The following CNTNAP2 variants were observed in gnomAD, a reference collection of about 807,000 sequenced individuals.
CNTNAP2 encodes the protein contactin associated protein 2, also known as contactin-associated protein-like 2.
Under a neutral mutation model 155.2 loss-of-function variants are expected in CNTNAP2, and 98 were observed. The ratio of observed to expected loss-of-function variants is 0.63; its 90% confidence interval spans 0.54 to 0.75. The LOEUF is 0.75. Ranked by LOEUF, CNTNAP2 falls within the 30% of genes least tolerant of loss-of-function variation. The pLI, the probability that CNTNAP2 is intolerant of heterozygous loss-of-function variation, is 0.00. For synonymous variants in CNTNAP2, 651 were observed against 631.2 expected (o/e 1.03, Z -0.47); for missense variants, 1,727 against 1,688.1 (o/e 1.02, Z -0.40).
chr7:147,491,193 T>C (rs980905601), intron 11 of CNTNAP2, among the ~76,000 whole-genome samples: 11 of 152,190 alleles, frequency 7.2e-5, no homozygotes, highest in African/African-American at 2.2e-4. Flanking sequence ...CTACGTAATA[T>C]GGCCATGTCT....
chr7:148,045,314 T>C (rs1163220119), intron 15 of CNTNAP2, among the ~76,000 whole-genome samples: 1 of 151,678 alleles, frequency 6.6e-6, no homozygotes, highest in Non-Finnish European at 1.5e-5. Flanking sequence ...CTGCTGAGAG[T>C]TCTAATGGGG....
intron 11 of CNTNAP2, among the ~76,000 whole-genome samples, chr7:147,508,662 G>A (rs1319750617): frequency 6.6e-6 from 1 of 152,152 alleles, no homozygotes; most frequent in African/African-American, 2.4e-5. Context: ...TCATGGGAGG[G>A]ACCTGATGGG....
At chr7:147,463,363 G>A (rs1464372766) in intron 10 of CNTNAP2, among the ~76,000 whole-genome samples, 1 of 152,162 alleles carries the variant, frequency 6.6e-6, no homozygotes, top group African/African-American at 2.4e-5. Context: ...ATCTAAAATA[G>A]ATGAGGAGAA....
Position 147,106,613 on chromosome 7 carries a change from C to T in CNTNAP2, c.551-1534C>T, listed in dbSNP as rs1446363361. ...GAATGTTTTATAATATAACATTGTA[C>T]AAACTTATTTAAAAGCATAAATATT... On this transcript the variant is annotated intron_variant, in intron 4 of 23. Coordinates refer to ENST00000361727, the MANE Select transcript of CNTNAP2 (RefSeq NM_014141.6). Among the ~76,000 whole-genome samples, 4 of 152,066 alleles carry T rather than the reference C, an allele frequency of 2.6e-5. No homozygotes were observed. In the East Asian group the frequency reaches 5.8e-4, roughly 22 times the overall value.
At chr7:146,307,334 G>T (rs148046803) in intron 1 of CNTNAP2, among the ~76,000 whole-genome samples, 2 of 151,958 alleles carry the variant, frequency 1.3e-5, no homozygotes, top group East Asian at 1.9e-4. Flanking sequence ...AAAAGAGGAC[G>T]CAAACAAATG....
chr7:148,289,672 A>T (rs1010260223), intron 21 of CNTNAP2, among the ~76,000 whole-genome samples: 4 of 152,332 alleles, frequency 2.6e-5, no homozygotes, highest in African/African-American at 9.6e-5. Flanking sequence ...AAAATAGCCA[A>T]TCATGCTGAT....
Position 146,992,605 on chromosome 7 carries a change from G to C in CNTNAP2, c.403-51302G>C, listed in dbSNP as rs116672690. Among the ~76,000 whole-genome samples the C allele has an allele frequency of 8.7e-3, 1,325 of 152,156 alleles. 15 individuals are homozygous for C. Among genetic ancestry groups the C allele is most frequent in the African/African-American group, 0.03 (1,262 of 41,528 alleles). On this transcript the variant is annotated intron_variant, in intron 3 of 23. Transcript: ENST00000361727. ...CCCCTGCAAATGGAAAGAACTTACC[G>C]GCTCCACCCCATTCTCCCTGTACAC...
intron 1 of CNTNAP2, among the ~76,000 whole-genome samples, chr7:146,253,180 G>C (rs1169876434): frequency 1.3e-5 from 2 of 152,152 alleles, no homozygotes; most frequent in East Asian, 1.9e-4. Flanking sequence ...CAGACACACA[G>C]AAGTGCTGCC....
chr7:147,569,205 C>T (rs923008528), intron 12 of CNTNAP2, among the ~76,000 whole-genome samples: 8 of 152,066 alleles, frequency 5.3e-5, no homozygotes, highest in Non-Finnish European at 4.4e-5. Flanking sequence ...GAGCTTGTAA[C>T]GGAAGTTTCT....
chr7:147,774,399 A>G (rs1466814184), intron 13 of CNTNAP2, among the ~76,000 whole-genome samples: 1 of 152,218 alleles, frequency 6.6e-6, no homozygotes, highest in East Asian at 1.9e-4. Flanking sequence ...AGATATGACA[A>G]CATGGTTTAA....
chr7:146,156,760 C>G (rs1373258809), intron 1 of CNTNAP2, among the ~76,000 whole-genome samples: 1 of 152,138 alleles, frequency 6.6e-6, no homozygotes, highest in Non-Finnish European at 1.5e-5. Flanking sequence ...CTGCCCCACA[C>G]CTGGCTAATT....
chr7:147,121,118 C>T lies in CNTNAP2; in HGVS notation c.894C>T (p.His298=), dbSNP rs200961501. 14 of 1,614,122 alleles carry T rather than the reference C, an allele frequency of 8.7e-6. No individual in the cohort carries two copies. In the Admixed American group the frequency reaches 1.5e-4, roughly 17 times the overall value. The change falls in exon 6 of 24, where the codon CAC becomes CAT. Residue 298 remains histidine (H), a synonymous_variant. Transcript: ENST00000361727. ...INLTLDRSMQ[H]FRTNGEFDYL... Reference sequence around the variant, plus strand: ...TCACTCTGGACAGGAGCATGCAGCACTTCCGTACCAATGGAGAGTTTGACT... The same window carrying T: ...TCACTCTGGACAGGAGCATGCAGCATTTCCGTACCAATGGAGAGTTTGACT...
chr7:147,676,550 G>T (rs907250088), intron 13 of CNTNAP2, among the ~76,000 whole-genome samples: 2 of 151,922 alleles, frequency 1.3e-5, no homozygotes, highest in Admixed American at 1.3e-4. Context: ...CATTGTTTAA[G>T]AATACAATAT....
At chr7:146,413,317 T>A (rs59677071) in intron 1 of CNTNAP2, among the ~76,000 whole-genome samples, 2,898 of 152,218 alleles carry the variant, frequency 0.019, 91 homozygotes, top group African/African-American at 0.066. Context: ...CGGCTTCAGG[T>A]TGGACCTTCC....
chr7:147,170,713 G>T (rs570958567), intron 8 of CNTNAP2, among the ~76,000 whole-genome samples: 1 of 152,256 alleles, frequency 6.6e-6, no homozygotes, highest in Non-Finnish European at 1.5e-5. Flanking sequence ...TTGGGTTCTG[G>T]GTGTGCTGGG....
intron 1 of CNTNAP2, among the ~76,000 whole-genome samples, chr7:146,255,948 T>A (rs953955302): frequency 2.6e-5 from 4 of 152,218 alleles, no homozygotes; most frequent in Admixed American, 2.6e-4. Flanking sequence ...CCCTTCTAAA[T>A]TTTGACTGTG....
intron 16 of CNTNAP2, 59 bp downstream of exon 16, chr7:148,118,347 C>T (rs1032705179): frequency 6.3e-5 from 99 of 1,581,944 alleles, no homozygotes; most frequent in East Asian, 9.0e-5. Context: ...CAGGGTGGTC[C>T]GGGTCCTGAT....
At chr7:148,118,643 C>T (rs1022726876) in intron 16 of CNTNAP2, among the ~76,000 whole-genome samples, 3 of 152,090 alleles carry the variant, frequency 2.0e-5, no homozygotes, top group Non-Finnish European at 4.4e-5. Flanking sequence ...TGTGCATTGA[C>T]CCGAGGAGCA....
chr7:146,560,573 T>G (rs1324991690), intron 1 of CNTNAP2, among the ~76,000 whole-genome samples: 1 of 152,174 alleles, frequency 6.6e-6, no homozygotes, highest in Non-Finnish European at 1.5e-5. Context: ...ACCTAAGCCC[T>G]ACTCTAGCTG....
Sources: allele counts gnomAD v4.1 joint callset (sites outside exome capture counted in the v4.1 genomes callset), GRCh38; gene constraint gnomAD v4.1.1; transcripts MANE v1.5; gene names NCBI Gene and HGNC (gene_info 2026-07-23, HGNC 2026-07-21).